The following NAV3 variants were observed in gnomAD, a reference collection of about 807,000 sequenced individuals.
The protein encoded by NAV3 is neuron navigator 3, also known as pore membrane and/or filament interacting like protein 1.
A neutral mutation model predicts 244.7 loss-of-function variants in NAV3; 87 were observed. That is an observed-to-expected ratio of 0.36 (90% CI 0.30 to 0.42). The LOEUF (loss-of-function observed/expected upper bound fraction) is 0.42. NAV3 is among the 20% of genes least tolerant of loss of function. NAV3 has a pLI of 1.00. For synonymous variants in NAV3, 1,126 were observed against 1,042.2 expected, an observed-to-expected ratio of 1.08 and a Z score of -1.55; for missense variants, 2,663 against 2,893.3, an observed-to-expected ratio of 0.92 and a Z score of 1.83.
rs891227630 is a variant in NAV3 at position 77,669,942 on chromosome 12, G to A, written c.72+97676G>A. 2.0e-4 allele frequency among the ~76,000 whole-genome samples: 30 copies of A among 151,744 alleles called. 1 individual carries two copies. The highest frequency in any genetic ancestry group is 4.8e-5 in the African/African-American group (2 of 41,370). ...CCCAAAGCCAGCAGAAGAAAAGAACGAAGATCAGAGCAGAATTAAATGAAA... is the reference window on the plus strand; with the variant it reads ...CCCAAAGCCAGCAGAAGAAAAGAACAAAGATCAGAGCAGAATTAAATGAAA... On this transcript the variant is annotated intron_variant, in intron 2 of 8. Transcript: ENST00000550042.
intron 2 of NAV3, among the ~76,000 whole-genome samples, chr12:77,778,613 GAAAAAAAA>G (rs746919824): frequency 5.2e-5 from 3 of 58,164 alleles, no homozygotes; most frequent in Non-Finnish European, 7.3e-5. Flanking sequence ...CTCCGTCTCA[GAAAAAAAA>G]AAAAAAAAAA....
chr12:77,852,185 G>C (rs1877630387), intron 1 of NAV3, among the ~76,000 whole-genome samples: 1 of 152,210 alleles, frequency 6.6e-6, no homozygotes, highest in African/African-American at 2.4e-5. Flanking sequence ...TCATTATAAA[G>C]TTCACGTGTG....
intron 1 of NAV3, among the ~76,000 whole-genome samples, chr12:77,871,430 C>T (rs1880938019): frequency 6.6e-6 from 1 of 151,982 alleles, no homozygotes; most frequent in Non-Finnish European, 1.5e-5. Context: ...TAATGTTATC[C>T]CTCCCCTAAT....
intron 9 of NAV3, among the ~76,000 whole-genome samples, chr12:78,041,122 C>A (rs756567068): frequency 7.9e-5 from 12 of 152,040 alleles, no homozygotes; most frequent in Non-Finnish European, 1.5e-4. Flanking sequence ...GTTCTGAGTT[C>A]TAAAAGAATA....
rs367617741 is a variant in NAV3, at chr12:78,173,529, A to G, written c.4982-1777A>G. Among the ~76,000 whole-genome samples, 24 of 151,196 alleles carry G rather than the reference A, an allele frequency of 1.6e-4. No individual in the cohort carries two copies. The East Asian group carries it at 3.7e-3, about 23-fold the overall frequency. The stretch of plus-strand genomic sequence containing the variant: ...ATCACAGCAAAAATTTAAAGCACTA[A>G]GAAATACCTACACATATTCTTCTAT... On this transcript the variant is annotated intron_variant, in intron 24 of 39. Transcript: ENST00000397909.
intron 12 of NAV3, among the ~76,000 whole-genome samples, chr12:78,089,741 T>C (rs1161941375): frequency 6.6e-6 from 1 of 152,140 alleles, no homozygotes; most frequent in Non-Finnish European, 1.5e-5. Flanking sequence ...TGATAGCCAG[T>C]ATACATCCAT....
At chr12:77,621,898 T>C (rs1341476260) in intron 2 of NAV3, among the ~76,000 whole-genome samples, 3 of 152,136 alleles carry the variant, frequency 2.0e-5, no homozygotes, top group African/African-American at 7.2e-5. Context: ...TACCCGATAT[T>C]TTATCATTTG....
intron 2 of NAV3, among the ~76,000 whole-genome samples, chr12:77,715,915 G>A (rs17044165): frequency 0.025 from 3,800 of 152,102 alleles, 90 homozygotes; most frequent in African/African-American, 0.06. Context: ...CAGGTACATT[G>A]CAGGTACTGC....
At chr12:78,098,451 G>A (rs1458905153) in intron 12 of NAV3, among the ~76,000 whole-genome samples, 1 of 151,758 alleles carries the variant, frequency 6.6e-6, no homozygotes, top group Non-Finnish European at 1.5e-5. Flanking sequence ...ATTAAGACTT[G>A]ATAAGTAAAC....
intron 2 of NAV3, among the ~76,000 whole-genome samples, chr12:77,805,595 C>G (rs1317214075): frequency 6.6e-6 from 1 of 152,152 alleles, no homozygotes; most frequent in Non-Finnish European, 1.5e-5. Flanking sequence ...ATTTTTGCAT[C>G]AGTGTTCTTC....
At position 77,902,470 on chromosome 12, in the gene NAV3, T is replaced by G. The variant is rs76439411; in HGVS notation, c.244-37849T>G. ...TGTCAAAGGCCTTTTCTGCATCTAT[T>G]GAGACAATCATGCGGTTTTTGTCAT... On this transcript the variant is annotated intron_variant, in intron 1 of 39. Transcript: ENST00000397909. Among the ~76,000 whole-genome samples, 120 of 152,330 alleles carry G rather than the reference T, an allele frequency of 7.9e-4. 1 individual carries two copies. In the South Asian group the frequency reaches 0.024, roughly 31 times the overall value.
intron 2 of NAV3, among the ~76,000 whole-genome samples, chr12:77,748,007 C>T (rs1040393094): frequency 5.3e-5 from 8 of 151,972 alleles, no homozygotes; most frequent in East Asian, 1.9e-4. Flanking sequence ...ACGTTGTGCA[C>T]GTGTACCCTA....
intron 2 of NAV3, among the ~76,000 whole-genome samples, chr12:77,698,821 A>G (rs1167157694): frequency 6.6e-6 from 1 of 152,162 alleles, no homozygotes; most frequent in Non-Finnish European, 1.5e-5. Context: ...TACATATGCT[A>G]GTAAATAATT....
chr12:77,817,732 T>C (rs1251171562), intron 2 of NAV3, among the ~76,000 whole-genome samples: 1 of 152,178 alleles, frequency 6.6e-6, no homozygotes, highest in East Asian at 1.9e-4. Flanking sequence ...ATGGTCACCA[T>C]ATGCTCGTTA....
chr12:77,817,097 T>G (rs1483471723), intron 2 of NAV3, among the ~76,000 whole-genome samples: 3 of 152,218 alleles, frequency 2.0e-5, no homozygotes, highest in Non-Finnish European at 4.4e-5. Context: ...TATCTTCTGG[T>G]GGATATCTGT....
chr12:77,766,975 A>G (rs1193124177), intron 2 of NAV3, among the ~76,000 whole-genome samples: 1 of 151,862 alleles, frequency 6.6e-6, no homozygotes, highest in Non-Finnish European at 1.5e-5. Flanking sequence ...ACTAGTCTCA[A>G]ACTCCTGACC....
chr12:78,092,486 A>ATTTTT (rs1953998816), intron 12 of NAV3, among the ~76,000 whole-genome samples: 1 of 59,124 alleles, frequency 1.7e-5, no homozygotes, highest in Non-Finnish European at 3.7e-5. Context: ...AGCGTTAGTT[A>ATTTTT]TTTTCTTTTT....
At chr12:77,808,542 T>A (rs940269227) in intron 2 of NAV3, among the ~76,000 whole-genome samples, 1 of 152,188 alleles carries the variant, frequency 6.6e-6, no homozygotes, top group African/African-American at 2.4e-5. Flanking sequence ...TTCCTTCCTC[T>A]GGAAGCTTCG....
chr12:77,843,054 T>A (rs1323334606), intron 1 of NAV3, among the ~76,000 whole-genome samples: 1 of 152,154 alleles, frequency 6.6e-6, no homozygotes, highest in Non-Finnish European at 1.5e-5. Flanking sequence ...TTCTACAGGG[T>A]GATATTTTTG....
Sources: gnomAD v4.1 joint callset for allele counts (sites outside exome capture counted in the v4.1 genomes callset) on GRCh38, gnomAD v4.1.1 for gene constraint, MANE v1.5 for transcripts, NCBI Gene and HGNC (gene_info 2026-07-23, HGNC 2026-07-21) for gene names.